The following ARID1B variants were observed in gnomAD, a reference collection of about 807,000 sequenced individuals.
ARID1B encodes the protein AT-rich interactive domain-containing protein 1B.
ARID1B carries 30 observed loss-of-function variants against 212.3 expected under a neutral mutation model. The observed-to-expected ratio is 0.14, with a 90% confidence interval of 0.11 to 0.19. ARID1B has a LOEUF of 0.19. Ranked by LOEUF, ARID1B falls within the 10% of genes least tolerant of loss-of-function variation. The pLI, the probability that ARID1B is intolerant of heterozygous loss-of-function variation, is 1.00. For missense variants in ARID1B, 2,891 were observed against 3,204.0 expected (o/e 0.90, Z 2.36); for synonymous variants, 1,402 against 1,301.7 (o/e 1.08, Z -1.66).
chr6:157,136,172 G>A (rs1159355371), intron 7 of ARID1B, among the ~76,000 whole-genome samples: 1 of 152,200 alleles, frequency 6.6e-6, no homozygotes, highest in East Asian at 1.9e-4. Flanking sequence ...AAGAAACTGA[G>A]GCACAGAACA....
At chr6:157,045,760 A>G (rs1343304661) in intron 4 of ARID1B, among the ~76,000 whole-genome samples, 2 of 152,190 alleles carry the variant, frequency 1.3e-5, no homozygotes, top group African/African-American at 2.4e-5. Context: ...TTTTTTATTT[A>G]ATTAAAATCT....
intron 2 of ARID1B, among the ~76,000 whole-genome samples, chr6:156,893,326 A>G (rs960761068): frequency 5.9e-5 from 9 of 152,332 alleles, no homozygotes; most frequent in East Asian, 1.9e-4. Flanking sequence ...GTACCTGGCT[A>G]TAAAACTCTT....
chr6:157,036,521 G>A (rs977457114), intron 4 of ARID1B: 1 of 273,872 alleles, frequency 3.7e-6, no homozygotes, highest in African/African-American at 2.2e-5. Context: ...TTGTGATTTA[G>A]GTGAGAAGGA....
At chr6:157,028,427 T>TA (rs1583175629) in intron 4 of ARID1B, among the ~76,000 whole-genome samples, 1 of 152,230 alleles carries the variant, frequency 6.6e-6, no homozygotes, top group East Asian at 1.9e-4. Context: ...TTTAATAAGA[T>TA]ACAGTTTACA....
chr6:156,778,943 T>C lies in ARID1B; in HGVS notation c.1263T>C (p.Ala421=). ...GAGAGGAGAG[A]VAAAAAAAAA... is the part of the protein sequence containing the mutation. Reference sequence around the variant, plus strand: ...GAGCAGGAGGAGCAGGAGCGGGAGCTGTGGCGGCGGCGGCCGCGGCGGCGG... The same window carrying C: ...GAGCAGGAGGAGCAGGAGCGGGAGCCGTGGCGGCGGCGGCCGCGGCGGCGG... Residue 421 remains alanine, a synonymous_variant, in exon 1 of 20, where the codon GCT becomes GCC. Transcript: ENST00000636930. 1 of 1,272,020 alleles carries C rather than the reference T, an allele frequency of 7.9e-7. No individual in the cohort carries two copies. The highest frequency in any genetic ancestry group is 9.8e-7 in the Non-Finnish European group (1 of 1,019,070). 78.8% of individuals were successfully genotyped at this position (1,272,020 alleles called of 1,614,324 possible).
intron 9 of ARID1B, among the ~76,000 whole-genome samples, chr6:157,171,552 A>G (rs1006794556): frequency 6.6e-6 from 1 of 152,264 alleles, no homozygotes; most frequent in Admixed American, 6.5e-5. Context: ...AACCACAGTA[A>G]GGAAAGAGCT....
At chr6:157,057,467 T>A (rs1361507508) in intron 4 of ARID1B, among the ~76,000 whole-genome samples, 1 of 152,092 alleles carries the variant, frequency 6.6e-6, no homozygotes, top group Non-Finnish European at 1.5e-5. Context: ...AGATAGATAG[T>A]TATGTAAGAT....
Position 157,076,789 on chromosome 6 carries a change from G to T in ARID1B, c.2248-7873G>T, listed in dbSNP as rs560528372. On this transcript the variant is annotated intron_variant, in intron 4 of 19. Coordinates refer to ENST00000636930, the MANE Select transcript of ARID1B (RefSeq NM_001374828.1). ...TCAATTTACTTTCAAAAGCACATGGGTCATTAATATTTATAGGTTCCTACC... is the reference window on the plus strand; with the variant it reads ...TCAATTTACTTTCAAAAGCACATGGTTCATTAATATTTATAGGTTCCTACC... Among the ~76,000 whole-genome samples, 48 of 152,262 alleles carry T rather than the reference G, an allele frequency of 3.2e-4. 2 individuals carry two copies. The South Asian group carries it at 1.0e-2, about 32-fold the overall frequency.
At chr6:157,046,665 T>C (rs1782263011) in intron 4 of ARID1B, among the ~76,000 whole-genome samples, 1 of 152,198 alleles carries the variant, frequency 6.6e-6, no homozygotes, top group African/African-American at 2.4e-5. Context: ...TTGGGAAAAA[T>C]AGAATTTTGT....
chr6:157,149,626 A>G (rs965581189), intron 8 of ARID1B: 2 of 152,382 alleles, frequency 1.3e-5, no homozygotes, highest in African/African-American at 4.8e-5. Flanking sequence ...ATTTTGAAGT[A>G]AATACTTGAC....
At chr6:156,872,730 A>G (rs1786239269) in intron 2 of ARID1B, among the ~76,000 whole-genome samples, 1 of 152,138 alleles carries the variant, frequency 6.6e-6, no homozygotes, top group African/African-American at 2.4e-5. Context: ...AAAAGGGGAA[A>G]TAGGTATCTG....
chr6:157,053,011 C>A (rs1782706625), intron 4 of ARID1B, among the ~76,000 whole-genome samples: 1 of 152,032 alleles, frequency 6.6e-6, no homozygotes, highest in Non-Finnish European at 1.5e-5. Context: ...AGCCACCACA[C>A]CCAGCGCTAA....
chr6:156,785,891 T>C (rs1779597579), intron 1 of ARID1B, among the ~76,000 whole-genome samples: 1 of 152,216 alleles, frequency 6.6e-6, no homozygotes, highest in Non-Finnish European at 1.5e-5. Flanking sequence ...ATTCTAACTT[T>C]GGGGTAATCC....
chr6:157,207,779 C>T lies in ARID1B; in HGVS notation c.7007C>T (p.Ser2336Leu), dbSNP rs1379093164. The T allele has an allele frequency of 6.4e-7, 1 of 1,568,498 alleles. No homozygotes were observed. Among genetic ancestry groups the T allele is most frequent in the Non-Finnish European group, 8.7e-7 (1 of 1,153,842 alleles). The stretch of plus-strand genomic sequence containing the variant: ...ATGGCCAGAGTGGACGAAAACCGCT[C>T]GGAATTCCTTTTGCACGAGGGCCGG... The part of the protein sequence containing the change: ...LAMARVDENR[S>L]EFLLHEGRLL... Residue 2336 changes from serine to leucine, a missense_variant, in exon 20 of 20, where the codon TCG (serine) becomes TTG (leucine). By Grantham distance (145) the Ser-to-Leu change is moderately radical. Transcript: ENST00000636930. This position sits in a 1 kb window ranked among gnomAD's most constrained non-coding sequence, Gnocchi z 8.5.
chr6:156,912,234 T>C (rs1247804949), intron 3 of ARID1B, among the ~76,000 whole-genome samples: 2 of 150,238 alleles, frequency 1.3e-5, no homozygotes, highest in Non-Finnish European at 3.0e-5. Flanking sequence ...TCAAACTAAA[T>C]GAAACAGTGA....
At chr6:156,918,090 G>T (rs75479725) in intron 3 of ARID1B, among the ~76,000 whole-genome samples, 2,500 of 152,220 alleles carry the variant, frequency 0.016, 62 homozygotes, top group African/African-American at 0.056. Flanking sequence ...TTTCAAAGGA[G>T]CTTAACTTAG....
At chr6:156,913,855 C>T (rs1790119069) in intron 3 of ARID1B, among the ~76,000 whole-genome samples, 1 of 149,842 alleles carries the variant, frequency 6.7e-6, no homozygotes, top group Admixed American at 6.6e-5. Flanking sequence ...CAGCCAACCC[C>T]AGCCCATGAG....
chr6:157,118,122 CTT>C (rs1244076070), intron 6 of ARID1B, among the ~76,000 whole-genome samples: 1 of 152,174 alleles, frequency 6.6e-6, no homozygotes, highest in Non-Finnish European at 1.5e-5. Context: ...GAAAATTACT[CTT>C]GAATATCTGA....
chr6:157,077,129 T>C (rs1271077239), intron 4 of ARID1B, among the ~76,000 whole-genome samples: 1 of 152,256 alleles, frequency 6.6e-6, no homozygotes, highest in African/African-American at 2.4e-5. Context: ...AACATGTTGC[T>C]ATTTAACCCA....
Sources: gnomAD v4.1 joint callset for allele counts (sites outside exome capture counted in the v4.1 genomes callset) on GRCh38, gnomAD v4.1.1 for gene constraint, Gnocchi (gnomAD v3.1) non-coding constraint, MANE v1.5 for transcripts, NCBI Gene and HGNC (gene_info 2026-07-23, HGNC 2026-07-21) for gene names.